PCTP: variants seen among roughly 807,000 people sequenced by gnomAD.
PCTP encodes phosphatidylcholine transfer protein, also known as START domain-containing protein 2.
PCTP carries 27 observed loss-of-function variants against 31.0 expected under a neutral mutation model. The ratio of observed to expected loss-of-function variants is 0.87; its 90% CI spans 0.64 to 1.20. The LOEUF (loss-of-function observed/expected upper bound fraction) is 1.20. PCTP is among the 50% of genes most tolerant of loss of function. The probability of loss-of-function intolerance (pLI) is 0.00; values close to 1 mark genes in which losing one functional copy is unlikely to be tolerated. For synonymous variants in PCTP, 108 were observed against 101.2 expected (o/e 1.07, Z -0.40); for missense variants, 287 against 268.2 (o/e 1.07, Z -0.49).
At chr17:55,751,376 C>G in intron 1 of PCTP, 132 bp downstream of exon 1, 1 of 1,531,758 alleles carries the variant, frequency 6.5e-7, no homozygotes, top group Non-Finnish European at 8.7e-7. Context: ...GAGCTCCGCC[C>G]GGACCCTGTC....
Position 55,771,099 on chromosome 17 carries a change from C to T in PCTP, c.260-7C>T. On this transcript the variant is annotated splice_region_variant and splice_polypyrimidine_tract_variant and intron_variant, in intron 2 of 5. Transcript: ENST00000268896. ...CAGATGCATTAACTTCTTTTGCTTT[C>T]CTTTAGAACTCTATGAACAAGAATG... 1 of 1,610,500 alleles carries T rather than the reference C, an allele frequency of 6.2e-7. No homozygotes were observed. The highest frequency in any genetic ancestry group is 8.5e-7 in the Non-Finnish European group (1 of 1,176,800).
At chr17:55,846,671 A>C (rs1286568814), downstream of PCTP, among the ~76,000 whole-genome samples, 2 of 152,164 alleles carry the variant, frequency 1.3e-5, no homozygotes, top group African/African-American at 4.8e-5. Flanking sequence ...CCAAGGAAGA[A>C]ATTAAGTCAC....
intron 1 of PCTP, among the ~76,000 whole-genome samples, chr17:55,765,652 C>T (rs1319520303): frequency 6.6e-6 from 1 of 152,172 alleles, no homozygotes; most frequent in Non-Finnish European, 1.5e-5. Context: ...GCAAGAATCA[C>T]CTTTAAAAAA....
At chr17:55,834,287 A>G (rs1250986615) in intron 5 of PCTP, among the ~76,000 whole-genome samples, 1 of 152,112 alleles carries the variant, frequency 6.6e-6, no homozygotes, top group Non-Finnish European at 1.5e-5. Context: ...TGCTGCACCT[A>G]TCAACTCATC....
intron 5 of PCTP, among the ~76,000 whole-genome samples, chr17:55,835,816 C>A (rs1427897189): frequency 1.3e-5 from 2 of 152,172 alleles, no homozygotes; most frequent in African/African-American, 4.8e-5. Flanking sequence ...TCTTGATAGT[C>A]CCAATAGGAG....
intron 1 of PCTP, among the ~76,000 whole-genome samples, chr17:55,757,157 G>A (rs1427939388): frequency 6.6e-6 from 1 of 151,498 alleles, no homozygotes; most frequent in African/African-American, 2.4e-5. Context: ...ACACACAAAA[G>A]CATGCATTGA....
intron 3 of PCTP, among the ~76,000 whole-genome samples, chr17:55,771,935 C>T (rs987048813): frequency 5.3e-5 from 8 of 152,060 alleles, no homozygotes; most frequent in Non-Finnish European, 8.8e-5. Flanking sequence ...GGTTCAATTT[C>T]CATGTAAGAT....
At chr17:55,818,557 A>G (rs566206257) in intron 3 of PCTP, among the ~76,000 whole-genome samples, 6 of 152,340 alleles carry the variant, frequency 3.9e-5, no homozygotes, top group Admixed American at 3.3e-4. Context: ...AAACAACTTC[A>G]TAGGGTTATT....
At chr17:55,815,349 T>C (rs184408093) in intron 3 of PCTP, among the ~76,000 whole-genome samples, 1 of 152,318 alleles carries the variant, frequency 6.6e-6, no homozygotes, top group Admixed American at 6.5e-5. Context: ...CTTTTAAAAT[T>C]AATCAAGCCC....
intron 3 of PCTP, among the ~76,000 whole-genome samples, chr17:55,793,327 A>C (rs1441159365): frequency 6.6e-6 from 1 of 152,080 alleles, no homozygotes; most frequent in Non-Finnish European, 1.5e-5. Flanking sequence ...GCAGGACCTC[A>C]CATTTTCACC....
chr17:55,822,831 T>C (rs2145066624), exon 4 of PCTP: 3 of 1,230,132 alleles, frequency 2.4e-6, no homozygotes, highest in African/African-American at 1.6e-5. Context: ...AACCCAAACA[T>C]TCTGCAATAG....
chr17:55,811,224 A>G (rs1282380625), intron 3 of PCTP, among the ~76,000 whole-genome samples: 1 of 152,240 alleles, frequency 6.6e-6, no homozygotes, highest in African/African-American at 2.4e-5. Context: ...TCCAAATAGA[A>G]TATAAACCAG....
rs145447335 is a variant in PCTP, at chr17:55,787,027, A to ATGTGTG, written c.229-520_229-515dup. 7.4e-3 allele frequency among the ~76,000 whole-genome samples: 1,099 copies of ATGTGTG among 147,874 alleles called. 9 individuals are homozygous for ATGTGTG. Among genetic ancestry groups the ATGTGTG allele is most frequent in the Non-Finnish European group, 0.01 (673 of 66,618 alleles). ...TGCTTGTGCATATGCATGTGTGAGC[A>ATGTGTG]TGTGTGTGTGTGTGTGTGTGTGTGG... On this transcript the variant is annotated intron_variant, in intron 2 of 3. Transcript: ENST00000572536.
In PCTP at chr17:55,776,085, C is replaced by A; in HGVS notation, c.630C>A (p.Tyr210Ter). ...LKDMARACQN[Y>*]LKKT ...ACATGGCAAGAGCCTGTCAGAACTA[C>A]CTCAAGAAAACCTAAGAAAGAGAAC... Residue 210 changes from tyrosine (Y) to a stop codon, truncating the protein, a stop_gained, in exon 6 of 6, where the codon TAC becomes TAA. Transcript: ENST00000268896. LOFTEE classifies it high-confidence loss of function. The A allele has an allele frequency of 6.2e-7, 1 of 1,614,064 alleles. No individual in the cohort carries two copies. Among genetic ancestry groups the A allele is most frequent in the Non-Finnish European group, 8.5e-7 (1 of 1,179,972 alleles).
At position 55,766,476 on chromosome 17, in the gene PCTP, T is replaced by C. The variant is rs1910663203; in HGVS notation, c.142-859T>C. Among the ~76,000 whole-genome samples the C allele has an allele frequency of 2.8e-5, 4 of 143,346 alleles. No individual in the cohort carries two copies. In the Admixed American group the frequency reaches 2.9e-4, roughly 10 times the overall value. 94.0% of individuals were successfully genotyped at this position (143,346 alleles called of 152,430 possible). A position where few individuals can be genotyped will look rare whatever the true frequency, so the allele number is the denominator to read the frequency against. ...CCTTCCTGTGTCCATGTGTTCTCAT[T>C]GTTCAATTCCCACCTATGAGTGAGA... is the stretch of plus-strand genomic sequence containing the variant. On this transcript the variant is annotated intron_variant, in intron 1 of 5. Transcript: ENST00000268896.
chr17:55,763,778 T>G (rs1447516903), intron 1 of PCTP, among the ~76,000 whole-genome samples: 2 of 152,146 alleles, frequency 1.3e-5, no homozygotes, highest in Non-Finnish European at 2.9e-5. Flanking sequence ...TAAAAAACTA[T>G]TTTTTAAAAT....
downstream of PCTP, among the ~76,000 whole-genome samples, chr17:55,782,074 CAAAT>C (rs1911584816): frequency 1.3e-5 from 2 of 152,308 alleles, no homozygotes; most frequent in African/African-American, 4.8e-5. Flanking sequence ...GCTGGAAAGT[CAAAT>C]AAATTATGTT....
chr17:55,828,551 C>G (rs879384933), intron 5 of PCTP, among the ~76,000 whole-genome samples: 1 of 152,172 alleles, frequency 6.6e-6, no homozygotes, highest in African/African-American at 2.4e-5. Flanking sequence ...GGATTAGGAC[C>G]CACTCTAATG....
Position 55,829,717 on chromosome 17 carries a change from CA to C in PCTP, n.505+6791del, listed in dbSNP as rs1194241331. 2.1e-3 allele frequency among the ~76,000 whole-genome samples: 323 copies of C among 152,090 alleles called. 2 individuals are homozygous for C. The highest frequency in any genetic ancestry group is 3.8e-3 in the South Asian group (18 of 4,792). ...ACACACACACACACACACACACACA[CA>C]CACCCTCTACAAGCTTGTAAAAGAA... On this transcript the variant is annotated intron_variant and non_coding_transcript_variant, in intron 5 of 5. Coordinates refer to the PCTP transcript ENST00000576221.
Sources: gnomAD v4.1 joint callset for allele counts (sites outside exome capture counted in the v4.1 genomes callset) on GRCh38, gnomAD v4.1.1 for gene constraint, MANE v1.5 for transcripts, NCBI Gene and HGNC (gene_info 2026-07-23, HGNC 2026-07-21) for gene names.